Variants in PIN4 observed in about 807,000 individuals in gnomAD.
PIN4 encodes the protein peptidyl-prolyl cis-trans isomerase NIMA-interacting 4.
A neutral mutation model predicts 8.3 loss-of-function variants in PIN4; 3 were observed. The ratio of observed to expected loss-of-function variants is 0.36; its 90% confidence interval spans 0.16 to 0.93. The LOEUF is 0.93. Among genes scored for constraint, PIN4 ranks in the 40% least tolerant of loss-of-function variants. The probability of loss-of-function intolerance (pLI) is 0.44; values close to 1 mark genes in which losing one functional copy is unlikely to be tolerated. For synonymous variants in PIN4, 18 were observed against 32.5 expected, an observed-to-expected ratio of 0.55 and a Z score of 1.52; for missense variants, 75 against 100.6, an observed-to-expected ratio of 0.75 and a Z score of 1.09.
intron 3 of PIN4, among the ~76,000 whole-genome samples, chrX:72,253,640 A>T (rs1456483368): frequency 9.2e-6 from 1 of 108,632 alleles, no homozygotes; most frequent in Non-Finnish European, 1.9e-5. Context: ...AAGAAAAAGA[A>T]AAAAGAAAAT....
chrX:72,187,302 A>G (rs935917649), intron 2 of PIN4, among the ~76,000 whole-genome samples: 5 of 112,017 alleles, frequency 4.5e-5, no homozygotes, highest in Middle Eastern at 9.2e-3. Context: ...TACTTAACCT[A>G]GCCCCAGAGG....
chrX:72,229,525 G>GA, intron 3 of PIN4, among the ~76,000 whole-genome samples: 1 of 111,841 alleles, frequency 8.9e-6, no homozygotes, highest in South Asian at 3.8e-4. Flanking sequence ...CCACAGGAAA[G>GA]AAAAAACACC....
At chrX:72,235,389 C>CCT (rs2043010638) in intron 3 of PIN4, among the ~76,000 whole-genome samples, 1 of 68,570 alleles carries the variant, frequency 1.5e-5, no homozygotes, top group Admixed American at 1.8e-4. Flanking sequence ...CCCTCTTCCA[C>CCT]TTTTTTTTTT....
At position 72,184,637 on chromosome X, in the gene PIN4, G is replaced by A. The variant is rs150730138; in HGVS notation, c.44-1824G>A. Among the ~76,000 whole-genome samples, 504 of 111,807 alleles carry A rather than the reference G, an allele frequency of 4.5e-3. 2 individuals carry two copies. Among genetic ancestry groups the A allele is most frequent in the African/African-American group, 0.015 (465 of 30,802 alleles). ...GGGAAGAGGATGGGATAACTGGAAG[G>A]CATCATCATTCAAGAATGGATCTAT... On this transcript the variant is annotated intron_variant, in intron 1 of 3. Transcript: ENST00000373669.
rs200693543 is a variant in PIN4, at chrX:72,249,620, C to CA, written c.313-13086dup. Among the ~76,000 whole-genome samples the CA allele has an allele frequency of 4.4e-3, 495 of 111,927 alleles. 2 individuals carry two copies. The highest frequency in any genetic ancestry group is 0.015 in the African/African-American group (456 of 30,812). On this transcript the variant is annotated intron_variant, in intron 3 of 3. Transcript: ENST00000423432. Reference sequence around the variant, plus strand: ...AGAAATGAACTACTGATCCTCAGGGCAGTAGGATGAACCTCAAGGGCATTA... The same window carrying CA: ...AGAAATGAACTACTGATCCTCAGGGCAAGTAGGATGAACCTCAAGGGCATTA...
intron 3 of PIN4, among the ~76,000 whole-genome samples, chrX:72,230,836 G>A (rs1276616240): frequency 9.0e-6 from 1 of 111,393 alleles, no homozygotes. Context: ...ATGGTGGTGT[G>A]CACCTGTGAT....
chrX:72,197,607 A>G lies in PIN4; in HGVS notation c.*81A>G. On this transcript the variant is annotated 3_prime_UTR_variant, in exon 4 of 4. Transcript: ENST00000373669. ...CATATTCTTTTGAGCTGGAGCTGCA[A>G]GGAAATACAAAAATTTTTAAAAAGA... 1 of 1,110,278 alleles carries G rather than the reference A, an allele frequency of 9.0e-7. No individual in the cohort carries two copies. The highest frequency in any genetic ancestry group is 2.3e-5 in the South Asian group (1 of 42,850). The allele number at this position is 1,110,278 out of a possible 1,213,427, so 91.5% of individuals were successfully genotyped here. A position where few individuals can be genotyped will look rare whatever the true frequency, so the allele number is the denominator to read the frequency against.
chrX:72,198,431 T>C (rs2042777401), downstream of PIN4: 2 of 423,247 alleles, frequency 4.7e-6, no homozygotes, highest in Non-Finnish European at 5.9e-6. Flanking sequence ...ATGGGAACTT[T>C]ACCTAGATAC....
chrX:72,206,047 T>A (rs2042817366), intron 3 of PIN4: 2 of 1,211,589 alleles, frequency 1.7e-6, no homozygotes, highest in South Asian at 3.5e-5. Flanking sequence ...TGATTCTGCA[T>A]TTTGACTTTC....
intron 2 of PIN4, 92 bp downstream of exon 2, chrX:72,186,626 C>A (rs2042705082): frequency 5.1e-6 from 3 of 593,405 alleles, no homozygotes. Flanking sequence ...CTCATTCTAA[C>A]AGGCTAGCCT....
At chrX:72,235,622 A>G (rs937082364) in intron 3 of PIN4, among the ~76,000 whole-genome samples, 10 of 110,554 alleles carry the variant, frequency 9.0e-5, no homozygotes, top group Non-Finnish European at 1.9e-4. Flanking sequence ...CGAACTCCTG[A>G]CCTCAGGTGA....
intron 3 of PIN4, among the ~76,000 whole-genome samples, chrX:72,224,398 C>T (rs1055862685): frequency 1.8e-5 from 2 of 110,985 alleles, no homozygotes; most frequent in African/African-American, 6.6e-5. Context: ...ACATCAAAGC[C>T]ACCCTTACTT....
chrX:72,210,043 C>T (rs994735368), intron 3 of PIN4, among the ~76,000 whole-genome samples: 4 of 107,865 alleles, frequency 3.7e-5, no homozygotes, highest in Non-Finnish European at 7.6e-5. Context: ...AATATGATGC[C>T]GAACACACAA....
chrX:72,195,993 C>A (rs1450531718), intron 2 of PIN4, among the ~76,000 whole-genome samples: 1 of 109,532 alleles, frequency 9.1e-6, no homozygotes, highest in Non-Finnish European at 1.9e-5. Flanking sequence ...GTAATGGGTG[C>A]CTGTAATCCC....
Position 72,196,770 on chromosome X carries a change from A to G in PIN4, c.118-15A>G, listed in dbSNP as rs778979286. 8.3e-7 allele frequency: 1 copy of G among 1,197,835 alleles called. No individual in the cohort carries two copies. The highest frequency in any genetic ancestry group is 1.1e-6 in the Non-Finnish European group (1 of 887,328). Reference sequence around the variant, plus strand: ...GGGTCTCCAAGTATTACATGAATGTACTTTTTCCTTGCAGGTCAGACACAT... The same window carrying G: ...GGGTCTCCAAGTATTACATGAATGTGCTTTTTCCTTGCAGGTCAGACACAT... On this transcript the variant is annotated splice_polypyrimidine_tract_variant and intron_variant, in intron 2 of 3. Transcript: ENST00000373669.
intron 3 of PIN4, among the ~76,000 whole-genome samples, chrX:72,225,922 C>T (rs1172514888): frequency 8.9e-6 from 1 of 111,822 alleles, no homozygotes; most frequent in East Asian, 2.8e-4. Flanking sequence ...AAAGGTTGGC[C>T]CCTTTGCTTA....
intron 3 of PIN4, among the ~76,000 whole-genome samples, chrX:72,232,366 T>C (rs1381368384): frequency 1.9e-4 from 14 of 75,103 alleles, no homozygotes; most frequent in African/African-American, 5.3e-4. Flanking sequence ...GGTGGATCAC[T>C]TGGGCTCAGG....
chrX:72,186,747 C>G (rs1349524418), intron 2 of PIN4, among the ~76,000 whole-genome samples: 1 of 110,924 alleles, frequency 9.0e-6, no homozygotes, highest in Non-Finnish European at 1.9e-5. Flanking sequence ...TGGTGAAACC[C>G]TGTCTCTACT....
chrX:72,252,682 G>A lies in PIN4; in HGVS notation c.313-10025G>A, dbSNP rs758649478. 2.0e-3 allele frequency among the ~76,000 whole-genome samples: 223 copies of A among 112,024 alleles called. 2 individuals are homozygous for A. The highest frequency in any genetic ancestry group is 7.0e-3 in the African/African-American group (216 of 30,853). On this transcript the variant is annotated intron_variant, in intron 3 of 3. Transcript: ENST00000423432. Reference sequence around the variant, plus strand: ...TGGGATTACAGGCGTGAGCCACCGCGCCCGGTCCCTCCAGGTCTTTTCTTA... The same window carrying A: ...TGGGATTACAGGCGTGAGCCACCGCACCCGGTCCCTCCAGGTCTTTTCTTA...
Sources: allele counts gnomAD v4.1 joint callset (sites outside exome capture counted in the v4.1 genomes callset), GRCh38; gene constraint gnomAD v4.1.1; transcripts MANE v1.5; gene names NCBI Gene and HGNC (gene_info 2026-07-23, HGNC 2026-07-21).